Variants in MAP7 observed in about 807,000 individuals in gnomAD.
MAP7 encodes ensconsin.
MAP7 carries 52 observed loss-of-function variants against 94.8 expected under a neutral mutation model. The observed-to-expected ratio is 0.55, with a 90% CI of 0.44 to 0.69. The LOEUF (loss-of-function observed/expected upper bound fraction) is 0.69. MAP7 is among the 30% of genes least tolerant of loss of function. The probability of loss-of-function intolerance (pLI) is 0.00; values close to 1 mark genes in which losing one functional copy is unlikely to be tolerated. For missense variants in MAP7, 940 were observed against 964.6 expected, an observed-to-expected ratio of 0.97 and a Z score of 0.34; for synonymous variants, 350 against 357.0, an observed-to-expected ratio of 0.98 and a Z score of 0.22.
Position 136,380,610 on chromosome 6 carries a change from G to T in MAP7, c.638-2742C>A, listed in dbSNP as rs976180202. On this transcript the variant is annotated intron_variant, in intron 6 of 17. Coordinates refer to ENST00000354570, the MANE Select transcript of MAP7 (RefSeq NM_003980.6). ...CCAACTTCCTAATATTCTTTCTTGA[G>T]AAAAAGTTGGTTAAGCAGATAGCTT... 4.6e-5 allele frequency among the ~76,000 whole-genome samples: 7 copies of T among 152,246 alleles called. No individual in the cohort carries two copies. In the East Asian group the frequency reaches 5.8e-4, roughly 13 times the overall value.
intron 1 of MAP7, among the ~76,000 whole-genome samples, chr6:136,488,507 C>T (rs1436860735): frequency 2.1e-5 from 3 of 142,124 alleles, no homozygotes; most frequent in Non-Finnish European, 4.5e-5. Context: ...AGTGGTGGTG[C>T]GATCTTGGCT....
At chr6:136,495,008 C>G (rs551080342) in intron 1 of MAP7, among the ~76,000 whole-genome samples, 1 of 152,158 alleles carries the variant, frequency 6.6e-6, no homozygotes, top group South Asian at 2.1e-4. Flanking sequence ...ACTAAAACTT[C>G]TTATACAGCA....
chr6:136,484,612 G>C (rs1814021822), intron 1 of MAP7, among the ~76,000 whole-genome samples: 1 of 152,172 alleles, frequency 6.6e-6, no homozygotes, highest in Admixed American at 6.5e-5. Flanking sequence ...TTCTGTACTT[G>C]AATATAGATA....
chr6:136,375,490 A>G (rs147956440), intron 7 of MAP7, among the ~76,000 whole-genome samples: 23 of 152,330 alleles, frequency 1.5e-4, no homozygotes, highest in African/African-American at 2.2e-4. Flanking sequence ...GCCAATGGCA[A>G]TTAGGAATAT....
chr6:136,441,203 T>A (rs957102876), intron 1 of MAP7, among the ~76,000 whole-genome samples: 9 of 152,218 alleles, frequency 5.9e-5, no homozygotes, highest in Non-Finnish European at 1.2e-4. Flanking sequence ...GGCAGATATA[T>A]ACCCAGCAGC....
In MAP7 at chr6:136,366,410, A is replaced by C; in HGVS notation, c.906T>G (p.Asn302Lys). Reference protein sequence around the residue: ...ASYKKERERENVLFLTSGTRR... With the variant: ...ASYKKEREREKVLFLTSGTRR... ...GGGTGCCAGATGTGAGGAAGAGTACATTTTCTCTCTCTCTTTCTTTTTTAT... is the reference window on the plus strand; with the variant it reads ...GGGTGCCAGATGTGAGGAAGAGTACCTTTTCTCTCTCTCTTTCTTTTTTAT... Residue 302 changes from asparagine (N) to lysine (K), a missense_variant, in exon 9 of 18, where the codon AAT (asparagine) becomes AAG (lysine). Coordinates refer to ENST00000354570, the MANE Select transcript of MAP7 (RefSeq NM_003980.6). The C allele has an allele frequency of 1.9e-6, 3 of 1,613,742 alleles. No individual in the cohort carries two copies. The highest frequency in any genetic ancestry group is 8.5e-7 in the Non-Finnish European group (1 of 1,179,658).
intron 1 of MAP7, among the ~76,000 whole-genome samples, chr6:136,439,781 T>C (rs745379225): frequency 2.0e-5 from 3 of 152,196 alleles, no homozygotes; most frequent in Non-Finnish European, 2.9e-5. Context: ...AGCAACTTTT[T>C]TTTTTCCTTT....
rs1169136457 is a variant in MAP7, at chr6:136,372,485, C to T, written c.876+16G>A. Reference sequence around the variant, plus strand: ...TGGCTCCCAGACTTGCCCAGCTGCTCCCAACAGCTACTCACCGCTGTGCCA... The same window carrying T: ...TGGCTCCCAGACTTGCCCAGCTGCTTCCAACAGCTACTCACCGCTGTGCCA... On this transcript the variant is annotated intron_variant, in intron 8 of 17. Coordinates refer to ENST00000354570, the MANE Select transcript of MAP7 (RefSeq NM_003980.6). 3.7e-6 allele frequency: 6 copies of T among 1,613,580 alleles called. No individual in the cohort carries two copies. In the South Asian group the frequency reaches 6.6e-5, roughly 18 times the overall value.
chr6:136,464,565 T>A (rs568792575), intron 1 of MAP7, among the ~76,000 whole-genome samples: 1 of 152,382 alleles, frequency 6.6e-6, no homozygotes, highest in East Asian at 1.9e-4. Flanking sequence ...TTCGGTACTA[T>A]CTGCCATTTC....
At chr6:136,517,730 C>A (rs182363197) in intron 1 of MAP7, among the ~76,000 whole-genome samples, 157 of 151,454 alleles carry the variant, frequency 1.0e-3, no homozygotes, top group Non-Finnish European at 2.0e-3. Context: ...CAAATATAGC[C>A]TGGATTTCTA....
chr6:136,420,095 A>C lies in MAP7; in HGVS notation c.166+1606T>G, dbSNP rs1367798363. On this transcript the variant is annotated intron_variant, in intron 2 of 17. Coordinates refer to ENST00000354570, the MANE Select transcript of MAP7 (RefSeq NM_003980.6). ...ATGGAGGGGTCAGTCTCCAACTTAAAGGAAATTATAAATGCTTTGGGAGCA... is the reference window on the plus strand; with the variant it reads ...ATGGAGGGGTCAGTCTCCAACTTAACGGAAATTATAAATGCTTTGGGAGCA... 4.7e-6 allele frequency: 4 copies of C among 854,116 alleles called. No individual in the cohort carries two copies. The South Asian group carries it at 5.3e-5, about 11-fold the overall frequency. 52.9% of individuals were successfully genotyped at this position (854,116 alleles called of 1,614,324 possible). A position where few individuals can be genotyped will look rare whatever the true frequency, so the allele number is the denominator to read the frequency against.
chr6:136,522,946 G>C (rs958837258), intron 1 of MAP7, among the ~76,000 whole-genome samples: 2 of 152,114 alleles, frequency 1.3e-5, no homozygotes, highest in African/African-American at 4.8e-5. Context: ...GAGGCAGGAC[G>C]ATCACTTGAG....
intron 1 of MAP7, among the ~76,000 whole-genome samples, chr6:136,512,836 C>CTTT (rs76348621): frequency 1.5e-5 from 2 of 136,864 alleles, no homozygotes; most frequent in Non-Finnish European, 3.1e-5. Context: ...AATTTCTTCC[C>CTTT]TTTTTTTTTT....
Position 136,460,840 on chromosome 6 carries a change from CTTAAT to C in MAP7, c.68-39046_68-39042del, listed in dbSNP as rs1183371657. 1.4e-4 allele frequency among the ~76,000 whole-genome samples: 22 copies of C among 152,116 alleles called. No homozygotes were observed. In the East Asian group the frequency reaches 4.2e-3, roughly 29 times the overall value. On this transcript the variant is annotated intron_variant, in intron 1 of 17. Transcript: ENST00000354570. ...TTAACTGCTTTAAACCCACAGAACACTTAATTTAATAGTTCCTGAGGAATACAGCC... is the reference window on the plus strand; with the variant it reads ...TTAACTGCTTTAAACCCACAGAACACTTAATAGTTCCTGAGGAATACAGCC...
intron 1 of MAP7, among the ~76,000 whole-genome samples, chr6:136,445,611 C>G (rs945688517): frequency 1.3e-5 from 2 of 152,156 alleles, no homozygotes; most frequent in Non-Finnish European, 2.9e-5. Context: ...TAGGTACCAA[C>G]ATAGGTAGAA....
Position 136,471,307 on chromosome 6 carries a change from G to A in MAP7, c.68-49508C>T, listed in dbSNP as rs557054671. 9.9e-5 allele frequency among the ~76,000 whole-genome samples: 15 copies of A among 152,282 alleles called. No homozygotes were observed. In the East Asian group the frequency reaches 2.7e-3, roughly 27 times the overall value. ...TCCAAATCCCAATGACAACCCAGGG[G>A]TACTGCAGCACATCACTTGCTCTGG... is the stretch of plus-strand genomic sequence containing the variant. On this transcript the variant is annotated intron_variant, in intron 1 of 17. Transcript: ENST00000354570.
At position 136,343,391 on chromosome 6, in the gene MAP7, G is replaced by C. The variant is rs1367752819; in HGVS notation, c.*837C>G. ...GGCAAAGATAAGTCCACCATCACTG[G>C]GGACAGCAGCAACATACAGACTTCA... On this transcript the variant is annotated 3_prime_UTR_variant, in exon 18 of 18. Transcript: ENST00000354570. 1.3e-5 allele frequency: 2 copies of C among 152,574 alleles called. No individual in the cohort carries two copies. The highest frequency in any genetic ancestry group is 6.6e-5 in the Admixed American group (1 of 15,266). The allele number at this position is 152,574 out of a possible 1,614,324, so 9.5% of individuals were successfully genotyped here.
At chr6:136,452,505 C>T (rs1801460602) in intron 1 of MAP7, among the ~76,000 whole-genome samples, 1 of 152,172 alleles carries the variant, frequency 6.6e-6, no homozygotes, top group African/African-American at 2.4e-5. Context: ...ATGTTTATGA[C>T]TCTCTAAAGG....
chr6:136,500,533 C>T (rs1583076005), intron 1 of MAP7, among the ~76,000 whole-genome samples: 1 of 152,140 alleles, frequency 6.6e-6, no homozygotes, highest in South Asian at 2.1e-4. Context: ...TTGAAAGTAA[C>T]TCTAAATAAA....
Sources: allele counts gnomAD v4.1 joint callset (sites outside exome capture counted in the v4.1 genomes callset), GRCh38; gene constraint gnomAD v4.1.1; transcripts MANE v1.5; gene names NCBI Gene and HGNC (gene_info 2026-07-23, HGNC 2026-07-21).